OPHN1: variants seen among roughly 807,000 people sequenced by gnomAD.
The protein encoded by OPHN1 is oligophrenin-1.
A neutral mutation model predicts 60.7 loss-of-function variants in OPHN1; 11 were observed. That is an observed-to-expected ratio of 0.18 (90% CI 0.11 to 0.30). OPHN1 has a LOEUF of 0.30. OPHN1 is among the 10% of genes least tolerant of loss of function. The probability of loss-of-function intolerance (pLI) is 1.00; values close to 1 mark genes in which losing one functional copy is unlikely to be tolerated. For synonymous variants in OPHN1, 226 were observed against 222.6 expected, an observed-to-expected ratio of 1.02 and a Z score of -0.14; for missense variants, 449 against 611.0, an observed-to-expected ratio of 0.73 and a Z score of 2.80.
intron 3 of OPHN1, among the ~76,000 whole-genome samples, chrX:68,291,741 A>T (rs917317172): frequency 1.7e-4 from 19 of 110,098 alleles, no homozygotes; most frequent in African/African-American, 5.9e-4. Context: ...ATATAGCATC[A>T]ATCTCCATTC....
intron 20 of OPHN1, among the ~76,000 whole-genome samples, chrX:68,065,912 G>A (rs1164996060): frequency 8.9e-6 from 1 of 112,273 alleles, no homozygotes; most frequent in Admixed American, 9.4e-5. Flanking sequence ...CACCACTGAT[G>A]CCACTGCCAA....
chrX:68,287,474 A>T (rs1334220655), intron 3 of OPHN1, among the ~76,000 whole-genome samples: 1 of 110,031 alleles, frequency 9.1e-6, no homozygotes, highest in African/African-American at 3.3e-5. Context: ...CAAAAAAAAA[A>T]AAAAAATGCA....
intron 4 of OPHN1, among the ~76,000 whole-genome samples, chrX:68,275,675 C>T (rs1015518929): frequency 9.0e-6 from 1 of 111,593 alleles, no homozygotes; most frequent in Non-Finnish European, 1.9e-5. Flanking sequence ...TCATATGAGA[C>T]ATAGGTGTCA....
At chrX:68,136,959 T>C (rs2077223268) in intron 15 of OPHN1, among the ~76,000 whole-genome samples, 1 of 112,049 alleles carries the variant, frequency 8.9e-6, no homozygotes, top group East Asian at 2.8e-4. Context: ...GGAAGACTGA[T>C]ACAATATGAG....
In OPHN1 at chrX:68,266,788, T is replaced by A. The variant is rs900341508; in HGVS notation, c.384+7950A>T. ...GTGCTGTATTCAGGAGACCCATCTC[T>A]CGTGCAGAGACACACATAGGCTCAA... On this transcript the variant is annotated intron_variant, in intron 5 of 24. Coordinates refer to ENST00000355520, the MANE Select transcript of OPHN1 (RefSeq NM_002547.3). 6.3e-4 allele frequency among the ~76,000 whole-genome samples: 70 copies of A among 111,103 alleles called. 1 individual carries two copies. The highest frequency in any genetic ancestry group is 6.0e-4 in the Non-Finnish European group (32 of 53,036).
In OPHN1 at chrX:68,144,928, GC is replaced by G. The variant is rs1212172862; in HGVS notation, c.1277-25597del. ...GAGTTTGAGATCAACAGAAAAGTAT[GC>G]CATCCTTGATCTTGGCACAGGAAAA... On this transcript the variant is annotated intron_variant, in intron 15 of 24. Transcript: ENST00000355520. Among the ~76,000 whole-genome samples the G allele has an allele frequency of 7.2e-5, 8 of 111,843 alleles. No individual in the cohort carries two copies. In the Admixed American group the frequency reaches 7.6e-4, roughly 11 times the overall value.
intron 15 of OPHN1, among the ~76,000 whole-genome samples, chrX:68,147,596 T>C (rs751333022): frequency 2.7e-5 from 3 of 111,523 alleles, no homozygotes; most frequent in Non-Finnish European, 3.8e-5. Flanking sequence ...AGGTAAAAAA[T>C]AGCACCCAGT....
Position 68,229,817 on chromosome X carries a change from A to G in OPHN1, c.486+4670T>C, listed in dbSNP as rs758882160. Among the ~76,000 whole-genome samples, 11 of 112,406 alleles carry G rather than the reference A, an allele frequency of 9.8e-5. No homozygotes were observed. In the East Asian group the frequency reaches 3.1e-3, roughly 31 times the overall value. ...CCTAAAACCATAAAAACCCTAGAAGAAAACCTAGGCAATACCATTCAGGAC... is the reference window on the plus strand; with the variant it reads ...CCTAAAACCATAAAAACCCTAGAAGGAAACCTAGGCAATACCATTCAGGAC... On this transcript the variant is annotated intron_variant, in intron 6 of 24. Transcript: ENST00000355520.
intron 2 of OPHN1, among the ~76,000 whole-genome samples, chrX:68,387,706 A>G (rs1386235305): frequency 8.9e-6 from 1 of 111,940 alleles, no homozygotes; most frequent in Non-Finnish European, 1.9e-5. Flanking sequence ...CTTACCTGAC[A>G]TATCTGTGCT....
chrX:68,277,734 T>A lies in OPHN1; in HGVS notation c.313-2925A>T, dbSNP rs1468172673. Among the ~76,000 whole-genome samples, 4 of 111,744 alleles carry A rather than the reference T, an allele frequency of 3.6e-5. 1 individual carries two copies. Among genetic ancestry groups the A allele is most frequent in the Non-Finnish European group, 7.5e-5 (4 of 53,178 alleles). On this transcript the variant is annotated intron_variant, in intron 4 of 24. Transcript: ENST00000355520. ...TGAACCCAGGAGGCGGAGGTTGCAG[T>A]GAGCCAAGACTGTGCCACTGCTCTC... is the stretch of plus-strand genomic sequence containing the variant.
chrX:68,271,215 T>C (rs1451704240), intron 5 of OPHN1, among the ~76,000 whole-genome samples: 1 of 110,135 alleles, frequency 9.1e-6, no homozygotes, highest in Non-Finnish European at 1.9e-5. Flanking sequence ...TTTAATGGGG[T>C]TCAGACCTCA....
intron 19 of OPHN1, among the ~76,000 whole-genome samples, chrX:68,075,811 G>A (rs974700501): frequency 4.0e-5 from 4 of 99,854 alleles, no homozygotes; most frequent in African/African-American, 1.1e-4. Context: ...ACTTCAATTC[G>A]TATCTTATAC....
At chrX:68,115,294 A>C (rs2077122263) in intron 16 of OPHN1, among the ~76,000 whole-genome samples, 1 of 112,548 alleles carries the variant, frequency 8.9e-6, no homozygotes, top group African/African-American at 3.2e-5. Flanking sequence ...CTTGTCATAC[A>C]AATAAAGGTT....
chrX:68,226,675 A>C (rs993633301), intron 6 of OPHN1, among the ~76,000 whole-genome samples: 9 of 111,607 alleles, frequency 8.1e-5, no homozygotes, highest in African/African-American at 2.9e-4. Context: ...CAGACAAGCA[A>C]ATGCTGAGAG....
intron 2 of OPHN1, among the ~76,000 whole-genome samples, chrX:68,322,902 G>GA (rs747106723): frequency 6.0e-4 from 66 of 109,243 alleles, no homozygotes; most frequent in Non-Finnish European, 1.1e-3. Flanking sequence ...TGAGAAAAAA[G>GA]AAAAAAAAAT....
At chrX:68,189,415 T>C (rs1031911123) in intron 15 of OPHN1, among the ~76,000 whole-genome samples, 2 of 111,481 alleles carry the variant, frequency 1.8e-5, no homozygotes, top group African/African-American at 6.5e-5. Flanking sequence ...TGCAGGTTTG[T>C]TACATATGTA....
upstream of OPHN1, chrX:68,433,705 T>C: frequency 3.4e-6 from 1 of 297,176 alleles, no homozygotes; most frequent in Non-Finnish European, 5.9e-6. Context: ...CGGCCGGCCG[T>C]CCTTTTAGGC....
chrX:68,138,829 G>A (rs1361909545), intron 15 of OPHN1, among the ~76,000 whole-genome samples: 2 of 111,970 alleles, frequency 1.8e-5, no homozygotes, highest in Non-Finnish European at 3.8e-5. Context: ...ACTAAGTTGT[G>A]GAGCTGGAAT....
At chrX:68,376,064 G>A (rs1291944580) in intron 2 of OPHN1, among the ~76,000 whole-genome samples, 1 of 111,770 alleles carries the variant, frequency 8.9e-6, no homozygotes. Context: ...TGTATAAATA[G>A]AGAAGTCTTG....
Sources: gnomAD v4.1 joint callset for allele counts (sites outside exome capture counted in the v4.1 genomes callset) on GRCh38, gnomAD v4.1.1 for gene constraint, MANE v1.5 for transcripts, NCBI Gene and HGNC (gene_info 2026-07-23, HGNC 2026-07-21) for gene names.